The following DPYD variants were observed in gnomAD, a reference collection of about 807,000 sequenced individuals.
DPYD encodes dihydropyrimidine dehydrogenase [NADP(+)].
A neutral mutation model predicts 116.2 loss-of-function variants in DPYD; 109 were observed. The ratio of observed to expected loss-of-function variants is 0.94; its 90% CI spans 0.80 to 1.10. The LOEUF (loss-of-function observed/expected upper bound fraction) is 1.10, where lower values mean the gene tolerates loss of function less well. Ranked by LOEUF, DPYD falls within the 50% of genes least tolerant of loss-of-function variation. The pLI is 0.00. For synonymous variants in DPYD, 440 were observed against 432.0 expected, an observed-to-expected ratio of 1.02 and a Z score of -0.23; for missense variants, 1,302 against 1,254.5, an observed-to-expected ratio of 1.04 and a Z score of -0.57.
intron 20 of DPYD, among the ~76,000 whole-genome samples, chr1:97,127,671 G>T (rs1286672091): frequency 6.6e-6 from 1 of 152,054 alleles, no homozygotes; most frequent in Admixed American, 6.6e-5. Context: ...TTCTGCAGTA[G>T]TCCCCTACTG....
chr1:97,762,091 C>T (rs996211274), intron 3 of DPYD, among the ~76,000 whole-genome samples: 2 of 152,044 alleles, frequency 1.3e-5, no homozygotes, highest in African/African-American at 4.8e-5. Flanking sequence ...ATAATCTGTA[C>T]ACCAAACCCC....
At chr1:97,493,091 C>A (rs949837420) in intron 13 of DPYD, among the ~76,000 whole-genome samples, 3 of 152,304 alleles carry the variant, frequency 2.0e-5, no homozygotes, top group Non-Finnish European at 4.4e-5. Context: ...CAACAACTTT[C>A]ATTTCAGTGT....
chr1:97,581,487 A>G (rs2102211792), intron 10 of DPYD, among the ~76,000 whole-genome samples: 1 of 152,138 alleles, frequency 6.6e-6, no homozygotes, highest in African/African-American at 2.4e-5. Context: ...CAGGCCTATA[A>G]TCTCAGTGCT....
intron 16 of DPYD, among the ~76,000 whole-genome samples, chr1:97,349,452 C>T (rs1670023747): frequency 6.6e-6 from 1 of 151,920 alleles, no homozygotes; most frequent in South Asian, 2.1e-4. Flanking sequence ...CCCATTAACT[C>T]GTCATTTAGC....
chr1:97,696,235 C>T (rs561806633), intron 6 of DPYD, among the ~76,000 whole-genome samples: 1 of 151,652 alleles, frequency 6.6e-6, no homozygotes, highest in African/African-American at 2.4e-5. Context: ...AGTGGAATTG[C>T]CAGGATATTA....
chr1:97,899,665 T>A (rs923994869), intron 1 of DPYD, among the ~76,000 whole-genome samples: 2 of 151,876 alleles, frequency 1.3e-5, no homozygotes, highest in African/African-American at 4.8e-5. Context: ...GGCTTAATTT[T>A]ATAGAGCACC....
At chr1:97,575,002 C>A (rs1653172011) in intron 10 of DPYD, among the ~76,000 whole-genome samples, 1 of 152,042 alleles carries the variant, frequency 6.6e-6, no homozygotes, top group Non-Finnish European at 1.5e-5. Flanking sequence ...AAGCCATGGG[C>A]CCATCTTTCA....
intron 13 of DPYD, among the ~76,000 whole-genome samples, chr1:97,466,787 T>C (rs1677349155): frequency 1.3e-5 from 2 of 152,322 alleles, no homozygotes; most frequent in South Asian, 4.1e-4. Context: ...GTACTAAACC[T>C]ACCTGCCTAA....
chr1:97,403,913 T>C (rs1347769186), intron 14 of DPYD, among the ~76,000 whole-genome samples: 1 of 152,064 alleles, frequency 6.6e-6, no homozygotes, highest in Non-Finnish European at 1.5e-5. Flanking sequence ...TCTTCTTTTT[T>C]AATATATGCA....
chr1:97,395,722 T>C (rs1383481255), intron 14 of DPYD, among the ~76,000 whole-genome samples: 4 of 152,062 alleles, frequency 2.6e-5, no homozygotes, highest in African/African-American at 9.7e-5. Context: ...TTTTGTGACT[T>C]GTTTTAATCA....
At chr1:97,135,089 TAAGTTTGGTCACC>T (rs1653684521) in intron 20 of DPYD, among the ~76,000 whole-genome samples, 1 of 152,112 alleles carries the variant, frequency 6.6e-6, no homozygotes, top group Non-Finnish European at 1.5e-5. Flanking sequence ...CCCTAAGCAT[TAAGTTTGGTCACC>T]AAGAAGCAAC....
At chr1:97,574,032 T>A in intron 10 of DPYD, 62 bp from the exon 11 acceptor site, 2 of 1,586,434 alleles carry the variant, frequency 1.3e-6, no homozygotes, top group Admixed American at 3.5e-5. Context: ...CAGTATTTGA[T>A]TTCTAATTGA....
chr1:97,525,063 A>G (rs1460349100), intron 12 of DPYD, among the ~76,000 whole-genome samples: 2 of 152,110 alleles, frequency 1.3e-5, no homozygotes, highest in African/African-American at 4.8e-5. Flanking sequence ...AGAAAAATCT[A>G]TTGTCCCTTT....
chr1:97,415,983 T>C (rs898236656), intron 14 of DPYD, among the ~76,000 whole-genome samples: 1 of 152,174 alleles, frequency 6.6e-6, no homozygotes, highest in Non-Finnish European at 1.5e-5. Context: ...TGAGTCGTAC[T>C]CCTGATTAGT....
At chr1:97,578,181 G>T (rs555759572) in intron 10 of DPYD, among the ~76,000 whole-genome samples, 2 of 151,984 alleles carry the variant, frequency 1.3e-5, no homozygotes, top group Non-Finnish European at 1.5e-5. Context: ...AATAATAATG[G>T]TAATAAGTAT....
chr1:97,547,261 A>G (rs1650966771), intron 12 of DPYD, among the ~76,000 whole-genome samples: 1 of 152,226 alleles, frequency 6.6e-6, no homozygotes, highest in South Asian at 2.1e-4. Flanking sequence ...AAATAAGAGT[A>G]GAATGAGAAA....
At chr1:97,693,372 A>G (rs1661134221) in intron 6 of DPYD, among the ~76,000 whole-genome samples, 1 of 151,944 alleles carries the variant, frequency 6.6e-6, no homozygotes, top group Non-Finnish European at 1.5e-5. Flanking sequence ...TGTACACTAA[A>G]GGAGCTTCCC....
chr1:97,750,364 C>G lies in DPYD; in HGVS notation c.234-9885G>C, dbSNP rs76574588. Reference sequence around the variant, plus strand: ...ATAGGTTATTTGTTCCTATACAATTCCTAGATGTACGGAATATGTTTGTTA... The same window carrying G: ...ATAGGTTATTTGTTCCTATACAATTGCTAGATGTACGGAATATGTTTGTTA... On this transcript the variant is annotated intron_variant, in intron 3 of 22. Coordinates refer to ENST00000370192, the MANE Select transcript of DPYD (RefSeq NM_000110.4). Among the ~76,000 whole-genome samples, 983 of 151,948 alleles carry G rather than the reference C, an allele frequency of 6.5e-3. 11 individuals carry two copies. The highest frequency in any genetic ancestry group is 0.022 in the African/African-American group (919 of 41,448).
chr1:97,292,567 T>C (rs1318627132), intron 18 of DPYD, among the ~76,000 whole-genome samples: 1 of 152,096 alleles, frequency 6.6e-6, no homozygotes, highest in African/African-American at 2.4e-5. Context: ...CAGTTCAAGA[T>C]GAGATTTGGG....
Sources: gnomAD v4.1 joint callset for allele counts (sites outside exome capture counted in the v4.1 genomes callset) on GRCh38, gnomAD v4.1.1 for gene constraint, MANE v1.5 for transcripts, NCBI Gene and HGNC (gene_info 2026-07-23, HGNC 2026-07-21) for gene names.